The following MYBPC2 variants were observed in gnomAD, a reference collection of about 807,000 sequenced individuals.
The protein encoded by MYBPC2 is myosin-binding protein C, fast-type.
Under a neutral mutation model 137.0 loss-of-function variants are expected in MYBPC2, and 122 were observed. That is an observed-to-expected ratio of 0.89 (90% CI 0.77 to 1.03). MYBPC2 has a LOEUF of 1.03. Ranked by LOEUF, MYBPC2 falls within the 50% of genes least tolerant of loss-of-function variation. The probability of loss-of-function intolerance (pLI) is 0.00; values close to 1 mark genes in which losing one functional copy is unlikely to be tolerated. For missense variants in MYBPC2, 1,500 were observed against 1,534.4 expected (o/e 0.98, Z 0.37); for synonymous variants, 626 against 612.3 (o/e 1.02, Z -0.33).
chr19:50,457,403 T>C (rs758610552), intron 20 of MYBPC2, among the ~76,000 whole-genome samples: 6 of 152,182 alleles, frequency 3.9e-5, no homozygotes, highest in Non-Finnish European at 8.8e-5. Flanking sequence ...GCAGGCAATC[T>C]GAAGAGCTCT....
intron 6 of MYBPC2, 52 bp from the exon 7 acceptor site, chr19:50,437,607 C>A: frequency 6.3e-7 from 1 of 1,591,814 alleles, no homozygotes; most frequent in Admixed American, 1.8e-5. Context: ...TTGGGGAAGG[C>A]AAGGGGTGAA....
chr19:50,443,669 G>T (rs1246572629), intron 10 of MYBPC2, 42 bp from the exon 11 acceptor site: 2 of 1,611,294 alleles, frequency 1.2e-6, no homozygotes, highest in East Asian at 4.5e-5. Context: ...AACTCTGGAG[G>T]GGGTCCTGAA....
rs2039695628 is a variant in MYBPC2, at chr19:50,435,647, A to G, written c.110-129A>G. 1.3e-6 allele frequency: 1 copy of G among 785,052 alleles called. No homozygotes were observed. The allele number at this position is 785,052 out of a possible 1,614,324, so 48.6% of individuals were successfully genotyped here. On this transcript the variant is annotated intron_variant, in intron 2 of 27. Coordinates refer to ENST00000357701, the MANE Select transcript of MYBPC2 (RefSeq NM_004533.4). The surrounding 1 kb of genome is among the most constrained non-coding windows in gnomAD (Gnocchi z 4.8). Reference sequence around the variant, plus strand: ...TTTCCCAGGTCAGGAAAAGCCATTTAACCCCCATGATGTTTGGTTTCTGAG... The same window carrying G: ...TTTCCCAGGTCAGGAAAAGCCATTTGACCCCCATGATGTTTGGTTTCTGAG...
Position 50,462,172 on chromosome 19 carries a change from T to G in MYBPC2, c.3228+136T>G, listed in dbSNP as rs1259574980. On this transcript the variant is annotated intron_variant, in intron 26 of 27. Transcript: ENST00000357701. The stretch of plus-strand genomic sequence containing the variant: ...CAAGGGATTTAGTCACTTAAAAAAT[T>G]TTTTTAATTGATTTTTGATTTTTTT... 17 of 1,314,536 alleles carry G rather than the reference T, an allele frequency of 1.3e-5. 1 individual carries two copies. In the Admixed American group the frequency reaches 4.1e-4, roughly 32 times the overall value. 81.4% of individuals were successfully genotyped at this position (1,314,536 alleles called of 1,614,324 possible).
At chr19:50,443,657 G>A (rs767716644) in intron 10 of MYBPC2, 39 bp downstream of exon 10, 7 of 1,611,624 alleles carry the variant, frequency 4.3e-6, no homozygotes, top group African/African-American at 1.3e-5. Flanking sequence ...GAGAGGGACT[G>A]GAACTCTGGA....
At position 50,435,889 on chromosome 19, in the gene MYBPC2, C is replaced by T. The variant is rs1234322279; in HGVS notation, c.196+27C>T. On this transcript the variant is annotated intron_variant, in intron 3 of 27. Coordinates refer to ENST00000357701, the MANE Select transcript of MYBPC2 (RefSeq NM_004533.4). This position sits in a 1 kb window ranked among gnomAD's most constrained non-coding sequence, Gnocchi z 4.8. ...TGAGGGGAACCCGGGGGAGGAGGGG[C>T]TGCGGCCCGGACTCCTGGGTCTGAG... The T allele has an allele frequency of 6.4e-7, 1 of 1,561,702 alleles. No homozygotes were observed. The highest frequency in any genetic ancestry group is 8.7e-7 in the Non-Finnish European group (1 of 1,151,078).
intron 8 of MYBPC2, 25 bp downstream of exon 8, chr19:50,441,101 G>A (rs2039750443): frequency 6.4e-7 from 1 of 1,557,502 alleles, no homozygotes; most frequent in Non-Finnish European, 8.7e-7. Context: ...GGGGGGAGCT[G>A]GGCCCTGCAC....
intron 1 of MYBPC2, among the ~76,000 whole-genome samples, chr19:50,434,516 G>A (rs2039684378): frequency 6.6e-6 from 1 of 152,200 alleles, no homozygotes; most frequent in African/African-American, 2.4e-5. Flanking sequence ...TGGGCACTGA[G>A]GCTTCCCCGT....
At chr19:50,459,961 G>A in intron 23 of MYBPC2, 79 bp from the exon 24 acceptor site, 1 of 1,530,828 alleles carries the variant, frequency 6.5e-7, no homozygotes, top group Non-Finnish European at 8.8e-7. Flanking sequence ...AGGAGGGAGG[G>A]GGTGTGGAGA....
intron 18 of MYBPC2, among the ~76,000 whole-genome samples, 182 bp downstream of exon 18, chr19:50,454,551 A>G (rs1056621715): frequency 7.3e-5 from 11 of 150,144 alleles, no homozygotes; most frequent in Non-Finnish European, 1.6e-4. Flanking sequence ...TCAGCCTCGC[A>G]AGTAACTGGG....
chr19:50,464,615 C>A (rs866682408), intron 27 of MYBPC2, 83 bp downstream of exon 27: 20 of 1,417,814 alleles, frequency 1.4e-5, no homozygotes, highest in Non-Finnish European at 1.9e-5. Flanking sequence ...GGCTGAGCAC[C>A]GCTGAGATCT....
chr19:50,443,603 G>C lies in MYBPC2; in HGVS notation c.1012G>C (p.Glu338Gln). 1.2e-6 allele frequency: 2 copies of C among 1,613,536 alleles called. No homozygotes were observed. Among genetic ancestry groups the C allele is most frequent in the Admixed American group, 1.7e-5 (1 of 59,936 alleles). The part of the protein sequence containing the change: ...VAVKDEKCFT[E>Q]LFVKEPPVLI... ...TGTCAAGGATGAGAAGTGTTTCACCGAGCTCTTCGTCAAAGGTGAGGCTGG... is the reference window on the plus strand; with the variant it reads ...TGTCAAGGATGAGAAGTGTTTCACCCAGCTCTTCGTCAAAGGTGAGGCTGG... The change falls in exon 10 of 28, where the codon GAG (glutamate) becomes CAG (glutamine). Residue 338 changes from glutamate (E) to glutamine (Q), a missense_variant. Coordinates refer to ENST00000357701, the MANE Select transcript of MYBPC2 (RefSeq NM_004533.4).
Position 50,454,148 on chromosome 19 carries a change from G to A in MYBPC2, c.1878G>A (p.Glu626=), listed in dbSNP as rs563666050. The part of the protein sequence containing the change: ...YTIKVTNPVG[E]DVASIFLQVV... The stretch of plus-strand genomic sequence containing the variant: ...TCAAGGTCACCAACCCCGTCGGCGA[G>A]GACGTGGCTTCCATCTTCCTGCAAG... Residue 626 remains glutamate (E), a synonymous_variant, in exon 17 of 28, where the codon GAG becomes GAA. Coordinates refer to ENST00000357701, the MANE Select transcript of MYBPC2 (RefSeq NM_004533.4). The A allele has an allele frequency of 1.2e-5, 19 of 1,613,824 alleles. No homozygotes were observed. In the East Asian group the frequency reaches 4.2e-4, roughly 36 times the overall value.
rs200711489 is a variant in MYBPC2, at chr19:50,450,883, G to A, written c.1527G>A (p.Thr509=). The change falls in exon 14 of 28, where the codon ACG becomes ACA. Residue 509 remains threonine, a synonymous_variant. Coordinates refer to ENST00000357701, the MANE Select transcript of MYBPC2 (RefSeq NM_004533.4). The stretch of plus-strand genomic sequence containing the variant: ...GCCCCGAGGATGAGGGAGACTACAC[G>A]TTTGTGCCTGACGGCTACGCCCTGT... ...DVRPEDEGDY[T]FVPDGYALSL... 11 of 1,580,420 alleles carry A rather than the reference G, an allele frequency of 7.0e-6. No homozygotes were observed. The South Asian group carries it at 7.0e-5, about 10-fold the overall frequency.
intron 20 of MYBPC2, among the ~76,000 whole-genome samples, chr19:50,457,642 G>A (rs2122612013): frequency 6.6e-6 from 1 of 151,698 alleles, no homozygotes; most frequent in Middle Eastern, 3.4e-3. Flanking sequence ...TTCCCAAAGT[G>A]CTGGGATTAC....
intron 12 of MYBPC2, 59 bp from the exon 13 acceptor site, chr19:50,448,166 C>T: frequency 6.5e-7 from 1 of 1,538,588 alleles, no homozygotes; most frequent in Non-Finnish European, 8.8e-7. Flanking sequence ...TGGGTGCTCA[C>T]AAGTGTCTGT....
At chr19:50,456,397 CATCCATCT>C (rs372641392) in intron 20 of MYBPC2, among the ~76,000 whole-genome samples, 12,226 of 150,734 alleles carry the variant, frequency 0.081, 643 homozygotes, top group African/African-American at 0.14. Flanking sequence ...TCCATCCATC[CATCCATCT>C]GTCCATATTT....
At chr19:50,450,514 G>A (rs777413609) in intron 13 of MYBPC2, among the ~76,000 whole-genome samples, 2 of 151,950 alleles carry the variant, frequency 1.3e-5, no homozygotes, top group South Asian at 2.1e-4. Context: ...AACAATTCTC[G>A]ATCCTCAGCT....
Position 50,455,143 on chromosome 19 carries a change from C to T in MYBPC2, c.2050C>T (p.Arg684Cys), listed in dbSNP as rs553635696. The change falls in exon 19 of 28, where the codon CGC becomes TGC. Residue 684 changes from arginine (R) to cysteine (C), a missense_variant. Physicochemically the swap from Arg to Cys is radical, Grantham distance 180. Transcript: ENST00000357701. ...AGAGCGGAAGAAGAAGGGCTCTCAG[C>T]GCTGGATGAAGCTGAACTTTGAGGT... ...LVERKKKGSQ[R>C]WMKLNFEVFT... 9.3e-6 allele frequency: 15 copies of T among 1,613,606 alleles called. No individual in the cohort carries two copies. The highest frequency in any genetic ancestry group is 6.7e-5 in the Admixed American group (4 of 59,998).
Sources: gnomAD v4.1 joint callset for allele counts (sites outside exome capture counted in the v4.1 genomes callset) on GRCh38, gnomAD v4.1.1 for gene constraint, Gnocchi (gnomAD v3.1) non-coding constraint, MANE v1.5 for transcripts, NCBI Gene and HGNC (gene_info 2026-07-23, HGNC 2026-07-21) for gene names.